EEA1: variants seen among roughly 807,000 people sequenced by gnomAD.
The protein encoded by EEA1 is early endosome antigen 1.
Under a neutral mutation model 209.2 loss-of-function variants are expected in EEA1, and 111 were observed. The ratio of observed to expected loss-of-function variants is 0.53; its 90% confidence interval spans 0.45 to 0.62. The LOEUF (loss-of-function observed/expected upper bound fraction) is 0.62, where lower values mean the gene tolerates loss of function less well. EEA1 is among the 20% of genes least tolerant of loss of function. The pLI is 0.00. For synonymous variants in EEA1, 536 were observed against 540.6 expected (o/e 0.99, Z 0.12); for missense variants, 1,343 against 1,530.8 (o/e 0.88, Z 2.05).
chr12:92,793,722 A>G (rs548256010), intron 21 of EEA1, among the ~76,000 whole-genome samples: 1 of 152,316 alleles, frequency 6.6e-6, no homozygotes, highest in South Asian at 2.1e-4. Context: ...TAATTTATAG[A>G]TTCAATGCCA....
Position 92,799,092 on chromosome 12 carries a change from A to AC in EEA1, c.2773-7_2773-6insG, listed in dbSNP as rs1874783805. 3.2e-6 allele frequency: 5 copies of AC among 1,568,240 alleles called. No homozygotes were observed. Among genetic ancestry groups the AC allele is most frequent in the Middle Eastern group, 1.7e-4 (1 of 5,830 alleles). On this transcript the variant is annotated splice_polypyrimidine_tract_variant and splice_region_variant and intron_variant, in intron 20 of 28. Transcript: ENST00000322349. ...AATTTCAACTGATGAGAAGCCTGAA[A>AC]GAAAAAAAAAATCTATTTAGCCTTC...
At chr12:92,848,934 A>G (rs2136706926) in intron 9 of EEA1, among the ~76,000 whole-genome samples, 1 of 152,132 alleles carries the variant, frequency 6.6e-6, no homozygotes, top group East Asian at 1.9e-4. Context: ...CATGTTGCCC[A>G]GGCTGGTTAA....
At chr12:92,819,232 A>G in intron 14 of EEA1, 76 bp downstream of exon 14, 1 of 1,280,084 alleles carries the variant, frequency 7.8e-7, no homozygotes, top group Non-Finnish European at 1.1e-6. Flanking sequence ...ATGAAGAATC[A>G]TTTAAATAAA....
In EEA1 at chr12:92,808,999, T is replaced by TAA; in HGVS notation, c.2339+16_2339+17dup. ...ACAATCTTTTCCCTTAATTTGTAAGTAAAGTGGTTTAGCTTACATTTCCTT... is the reference window on the plus strand; with the variant it reads ...ACAATCTTTTCCCTTAATTTGTAAGTAAAAAGTGGTTTAGCTTACATTTCCTT... On this transcript the variant is annotated intron_variant, in intron 18 of 28. Transcript: ENST00000322349. 1 of 1,566,178 alleles carries TAA rather than the reference T, an allele frequency of 6.4e-7. No individual in the cohort carries two copies. Among genetic ancestry groups the TAA allele is most frequent in the Non-Finnish European group, 8.6e-7 (1 of 1,158,594 alleles).
chr12:92,904,225 T>C (rs1295161777), intron 1 of EEA1, among the ~76,000 whole-genome samples: 1 of 152,152 alleles, frequency 6.6e-6, no homozygotes, highest in African/African-American at 2.4e-5. Flanking sequence ...CCTCCCAAAG[T>C]GCTGGGATTA....
intron 1 of EEA1, among the ~76,000 whole-genome samples, chr12:92,925,130 C>T (rs1203476673): frequency 6.8e-6 from 1 of 147,668 alleles, no homozygotes; most frequent in Non-Finnish European, 1.5e-5. Context: ...TTCATGACTA[C>T]TTTACCCATC....
At chr12:92,869,653 G>C (rs2136728878) in intron 2 of EEA1, among the ~76,000 whole-genome samples, 1 of 149,184 alleles carries the variant, frequency 6.7e-6, no homozygotes, top group East Asian at 2.0e-4. Flanking sequence ...CTACTCGGGA[G>C]GCTGAGGCAG....
rs1168328713 is a variant in EEA1, at chr12:92,780,555, T to C, written c.3337-144A>G. 4 of 541,530 alleles carry C rather than the reference T, an allele frequency of 7.4e-6. No individual in the cohort carries two copies. In the East Asian group the frequency reaches 1.4e-4, roughly 18 times the overall value. 33.5% of individuals were successfully genotyped at this position (541,530 alleles called of 1,614,324 possible). The stretch of plus-strand genomic sequence containing the variant: ...GGGCAAATTACTTACCCTCTCTTGG[T>C]TCTTGGCTGTTTCCTTATTTATACA... On this transcript the variant is annotated intron_variant, in intron 23 of 28. Transcript: ENST00000322349.
At chr12:92,886,334 A>C (rs1288612006) in intron 2 of EEA1, among the ~76,000 whole-genome samples, 1 of 125,912 alleles carries the variant, frequency 7.9e-6, no homozygotes, top group Non-Finnish European at 1.6e-5. Flanking sequence ...GCACCACTGC[A>C]CTCCAGTCTG....
intron 15 of EEA1, among the ~76,000 whole-genome samples, chr12:92,815,398 T>A (rs1181733040): frequency 6.6e-6 from 1 of 152,156 alleles, no homozygotes; most frequent in African/African-American, 2.4e-5. Context: ...ATATTTGACA[T>A]CCACATAACA....
In EEA1 at chr12:92,856,218, T is replaced by C. The variant is rs144641689; in HGVS notation, c.366+1057A>G. 3.2e-3 allele frequency among the ~76,000 whole-genome samples: 486 copies of C among 152,318 alleles called. 2 individuals carry two copies. Among genetic ancestry groups the C allele is most frequent in the African/African-American group, 0.011 (464 of 41,572 alleles). On this transcript the variant is annotated intron_variant, in intron 5 of 28. Coordinates refer to ENST00000322349, the MANE Select transcript of EEA1 (RefSeq NM_003566.4). Reference sequence around the variant, plus strand: ...TACTTTTATTCTTACAAATGATGACTATGGTAAAATTATTTGGTAAAACTT... The same window carrying C: ...TACTTTTATTCTTACAAATGATGACCATGGTAAAATTATTTGGTAAAACTT...
At chr12:92,852,367 T>C (rs983487093) in intron 7 of EEA1, 71 bp from the exon 8 acceptor site, 11 of 1,068,638 alleles carry the variant, frequency 1.0e-5, no homozygotes, top group Non-Finnish European at 1.4e-5. Flanking sequence ...TATATTACTC[T>C]GCATATCTGT....
At chr12:92,837,225 T>G (rs1353854762) in intron 10 of EEA1, among the ~76,000 whole-genome samples, 2 of 152,166 alleles carry the variant, frequency 1.3e-5, no homozygotes, top group Non-Finnish European at 2.9e-5. Flanking sequence ...GTAATGTTCC[T>G]ATTAATCCTA....
chr12:92,879,400 G>A (rs1372472806), intron 2 of EEA1: 3 of 435,260 alleles, frequency 6.9e-6, no homozygotes, highest in Non-Finnish European at 1.4e-5. Flanking sequence ...AAGACCAAGT[G>A]GAGCTTATCC....
At chr12:92,875,598 C>T (rs983161178) in intron 2 of EEA1, among the ~76,000 whole-genome samples, 4 of 152,160 alleles carry the variant, frequency 2.6e-5, no homozygotes, top group Non-Finnish European at 4.4e-5. Context: ...ACACTCTTTG[C>T]TCCTACCCTC....
At chr12:92,910,566 G>A (rs1362611105) in intron 1 of EEA1, among the ~76,000 whole-genome samples, 1 of 151,996 alleles carries the variant, frequency 6.6e-6, no homozygotes, top group Non-Finnish European at 1.5e-5. Context: ...AAATTACTGT[G>A]GTTTGTCCAT....
intron 20 of EEA1, among the ~76,000 whole-genome samples, chr12:92,800,507 T>C (rs2136665706): frequency 6.6e-6 from 1 of 152,318 alleles, no homozygotes; most frequent in South Asian, 2.1e-4. Flanking sequence ...AATGTTAGTG[T>C]TATATATAGA....
At chr12:92,858,345 C>A in intron 3 of EEA1, 1 of 829,708 alleles carries the variant, frequency 1.2e-6, no homozygotes, top group Non-Finnish European at 2.1e-6. Context: ...AGCTATTAAA[C>A]ACATTGGATA....
intron 20 of EEA1, 48 bp from the exon 21 acceptor site, chr12:92,799,134 G>A (rs966591935): frequency 1.4e-6 from 2 of 1,452,074 alleles, no homozygotes; most frequent in East Asian, 4.9e-5. Flanking sequence ...TCATTCAAAA[G>A]ACGATGTACT....
Sources: gnomAD v4.1 joint callset for allele counts (sites outside exome capture counted in the v4.1 genomes callset) on GRCh38, gnomAD v4.1.1 for gene constraint, MANE v1.5 for transcripts, NCBI Gene and HGNC (gene_info 2026-07-23, HGNC 2026-07-21) for gene names.